ANKRD44: variants seen among roughly 807,000 people sequenced by gnomAD.
ANKRD44 encodes the protein serine/threonine-protein phosphatase 6 regulatory ankyrin repeat subunit B.
ANKRD44 carries 35 observed loss-of-function variants against 116.0 expected under a neutral mutation model. The observed-to-expected ratio is 0.30, with a 90% CI of 0.23 to 0.40. ANKRD44 has a LOEUF of 0.40. ANKRD44 is among the 10% of genes least tolerant of loss of function. ANKRD44 has a pLI of 1.00. For missense variants in ANKRD44, 1,014 were observed against 1,242.6 expected, an observed-to-expected ratio of 0.82 and a Z score of 2.77; for synonymous variants, 435 against 461.8, an observed-to-expected ratio of 0.94 and a Z score of 0.74.
chr2:197,210,538 G>C (rs1215934234), intron 1 of ANKRD44, among the ~76,000 whole-genome samples: 1 of 152,162 alleles, frequency 6.6e-6, no homozygotes, highest in African/African-American at 2.4e-5. Flanking sequence ...GACACACTTG[G>C]TACACTCAGA....
At chr2:196,972,437 T>C (rs1360858670) in intron 21 of ANKRD44, among the ~76,000 whole-genome samples, 1 of 152,120 alleles carries the variant, frequency 6.6e-6, no homozygotes, top group Non-Finnish European at 1.5e-5. Flanking sequence ...CCTGGCCTCA[T>C]GTGACCCACC....
chr2:197,173,850 T>C (rs2080298893), intron 2 of ANKRD44, among the ~76,000 whole-genome samples: 1 of 152,064 alleles, frequency 6.6e-6, no homozygotes, highest in African/African-American at 2.4e-5. Context: ...CTGGCCAACA[T>C]GGTGAAACCC....
intron 1 of ANKRD44, among the ~76,000 whole-genome samples, chr2:197,305,444 G>A (rs565021611): frequency 2.1e-4 from 32 of 152,154 alleles, no homozygotes; most frequent in East Asian, 1.2e-3. Context: ...AAATTATTTC[G>A]TGCTATACTT....
At chr2:197,100,422 G>A (rs1177222112) in intron 9 of ANKRD44, among the ~76,000 whole-genome samples, 1 of 152,034 alleles carries the variant, frequency 6.6e-6, no homozygotes, top group Non-Finnish European at 1.5e-5. Context: ...GCGACAGAGC[G>A]AGACTCCGTC....
At chr2:197,305,589 A>T (rs998233397) in intron 1 of ANKRD44, among the ~76,000 whole-genome samples, 1 of 152,224 alleles carries the variant, frequency 6.6e-6, no homozygotes, top group Non-Finnish European at 1.5e-5. Context: ...AAGAGGAAGT[A>T]AAAAGTTGAA....
In ANKRD44 at chr2:197,235,567, G is replaced by A. The variant is rs375933779; in HGVS notation, c.28-48461C>T. 2.8e-3 allele frequency among the ~76,000 whole-genome samples: 403 copies of A among 145,620 alleles called. 2 individuals carry two copies. Among genetic ancestry groups the A allele is most frequent in the African/African-American group, 9.6e-3 (379 of 39,360 alleles). ...GGAGGCAGAGGTTGCAGTGAGCCGA[G>A]ATTGTTGCACTGCACTCCAGCCTGG... is the stretch of plus-strand genomic sequence containing the variant. On this transcript the variant is annotated intron_variant, in intron 1 of 27. Coordinates refer to ENST00000282272, the MANE Select transcript of ANKRD44 (RefSeq NM_001195144.2).
intron 3 of ANKRD44, among the ~76,000 whole-genome samples, chr2:197,140,559 G>C (rs550762913): frequency 6.6e-6 from 1 of 152,052 alleles, no homozygotes; most frequent in East Asian, 1.9e-4. Context: ...GCCCTCAAGT[G>C]ATCCTCCTAT....
intron 16 of ANKRD44, among the ~76,000 whole-genome samples, chr2:197,054,259 A>G (rs1356565292): frequency 6.6e-6 from 1 of 152,248 alleles, no homozygotes; most frequent in Non-Finnish European, 1.5e-5. Context: ...GTGAAATAAC[A>G]TAAGCTTACC....
rs1372850340 is a variant in ANKRD44 at position 197,125,687 on chromosome 2, C to T, written c.462+150G>A. 8.2e-6 allele frequency: 8 copies of T among 975,404 alleles called. No individual in the cohort carries two copies. In the African/African-American group the frequency reaches 1.3e-4, roughly 16 times the overall value. The allele number at this position is 975,404 out of a possible 1,614,324, so 60.4% of individuals were successfully genotyped here. On this transcript the variant is annotated intron_variant, in intron 5 of 27. Coordinates refer to ENST00000282272, the MANE Select transcript of ANKRD44 (RefSeq NM_001195144.2). ...AGCCTACTTTTTCAATTCATTGTGG[C>T]TCTAAAGTTGAGAATGATATAGATG... is the stretch of plus-strand genomic sequence containing the variant.
intron 21 of ANKRD44, among the ~76,000 whole-genome samples, chr2:196,980,896 G>T (rs151110508): frequency 6.6e-6 from 1 of 152,172 alleles, no homozygotes; most frequent in Non-Finnish European, 1.5e-5. Context: ...CTGAATAATA[G>T]ATGTTTTGAA....
intron 15 of ANKRD44, 99 bp from the exon 16 acceptor site, chr2:197,078,913 T>C: frequency 7.9e-7 from 1 of 1,262,760 alleles, no homozygotes; most frequent in East Asian, 2.8e-5. Context: ...CATGAAGTAC[T>C]TTATGAGTTT....
intron 8 of ANKRD44, among the ~76,000 whole-genome samples, chr2:197,115,460 T>G (rs1378202033): frequency 6.6e-6 from 1 of 152,206 alleles, no homozygotes; most frequent in Non-Finnish European, 1.5e-5. Flanking sequence ...TAAACTCATA[T>G]CATGAAGTCA....
intron 1 of ANKRD44, among the ~76,000 whole-genome samples, chr2:197,278,503 C>CCT (rs2083164532): frequency 1.3e-5 from 2 of 152,024 alleles, no homozygotes; most frequent in South Asian, 2.1e-4. Context: ...ACTACAGGCA[C>CCT]GCACCACCAC....
chr2:197,166,285 A>G (rs2080099799), intron 2 of ANKRD44, among the ~76,000 whole-genome samples: 1 of 152,212 alleles, frequency 6.6e-6, no homozygotes, highest in Non-Finnish European at 1.5e-5. Context: ...GGCCAAAAGC[A>G]ACACAATTTG....
At chr2:197,029,780 T>C in intron 16 of ANKRD44, 1 of 293,802 alleles carries the variant, frequency 3.4e-6, no homozygotes, top group Non-Finnish European at 6.7e-6. Context: ...TTAAGTTTCT[T>C]ATGCAGCAAA....
At chr2:197,081,782 C>T (rs2077804293) in intron 14 of ANKRD44, 57 bp from the exon 15 acceptor site, 5 of 1,404,056 alleles carry the variant, frequency 3.6e-6, no homozygotes, top group Non-Finnish European at 4.0e-6. Context: ...AATGGCAAAG[C>T]TGTTAATGGT....
chr2:197,260,861 T>G (rs1158160580), intron 1 of ANKRD44, among the ~76,000 whole-genome samples: 1 of 16,000 alleles, frequency 6.3e-5, no homozygotes, highest in African/African-American at 2.4e-4. Context: ...TCATGTGTTT[T>G]TTGGCTGCAT....
At chr2:197,101,075 G>A (rs763710938) in intron 9 of ANKRD44, among the ~76,000 whole-genome samples, 3 of 152,106 alleles carry the variant, frequency 2.0e-5, no homozygotes, top group Non-Finnish European at 4.4e-5. Context: ...ATAATTTTAT[G>A]TAATATTAGT....
downstream of ANKRD44, among the ~76,000 whole-genome samples, chr2:196,983,027 G>T (rs1316718210): frequency 6.6e-6 from 1 of 152,042 alleles, no homozygotes; most frequent in African/African-American, 2.4e-5. Flanking sequence ...GGGCCTGTTG[G>T]TGGGTTGGGG....
Sources: allele counts gnomAD v4.1 joint callset (sites outside exome capture counted in the v4.1 genomes callset), GRCh38; gene constraint gnomAD v4.1.1; transcripts MANE v1.5; gene names NCBI Gene and HGNC (gene_info 2026-07-23, HGNC 2026-07-21).